The following XKR6 variants were observed in gnomAD, a reference collection of about 807,000 sequenced individuals.
XKR6 encodes the protein XK related 6.
Under a neutral mutation model 56.7 loss-of-function variants are expected in XKR6, and 22 were observed. That is an observed-to-expected ratio of 0.39 (90% CI 0.28 to 0.55). The LOEUF (loss-of-function observed/expected upper bound fraction) is 0.55, where lower values mean the gene tolerates loss of function less well. Among genes scored for constraint, XKR6 ranks in the 20% least tolerant of loss-of-function variants. XKR6 has a pLI of 0.66. For missense variants in XKR6, 852 were observed against 889.0 expected (o/e 0.96, Z 0.53); for synonymous variants, 524 against 387.8 (o/e 1.35, Z -4.13).
intron 1 of XKR6, among the ~76,000 whole-genome samples, chr8:10,956,883 C>T (rs1454199244): frequency 6.6e-6 from 1 of 152,202 alleles, no homozygotes; most frequent in African/African-American, 2.4e-5. Flanking sequence ...AAGGTGAGAG[C>T]TTCCTTAAAA....
intron 1 of XKR6, among the ~76,000 whole-genome samples, chr8:11,079,361 A>G (rs771219581): frequency 1.3e-5 from 2 of 152,260 alleles, no homozygotes; most frequent in Non-Finnish European, 2.9e-5. Context: ...TTTTAAAAAT[A>G]AAGAAGCAGA....
At position 10,976,747 on chromosome 8, in the gene XKR6, T is replaced by A. The variant is rs535158502; in HGVS notation, c.765-51917A>T. ...GTGGCTTCCATATCACTAGGCTACC[T>A]CGCCTGTCTCTCTCTCTCTCTCTCT... On this transcript the variant is annotated intron_variant, in intron 1 of 2. Transcript: ENST00000416569. Among the ~76,000 whole-genome samples, 404 of 130,520 alleles carry A rather than the reference T, an allele frequency of 3.1e-3. 4 individuals are homozygous for A. Among genetic ancestry groups the A allele is most frequent in the African/African-American group, 0.01 (365 of 35,478 alleles). The allele number at this position is 130,520 out of a possible 152,430, so 85.6% of individuals were successfully genotyped here.
intron 2 of XKR6, among the ~76,000 whole-genome samples, chr8:10,916,001 T>C (rs4841457): frequency 6.6e-6 from 1 of 152,096 alleles, no homozygotes; most frequent in South Asian, 2.1e-4. Context: ...AGTGGAGCTC[T>C]TGTGCTGGCA....
intron 1 of XKR6, among the ~76,000 whole-genome samples, chr8:11,075,099 C>G (rs1800237198): frequency 6.6e-6 from 1 of 152,126 alleles, no homozygotes; most frequent in African/African-American, 2.4e-5. Context: ...AGGATGCTGC[C>G]CCCGCCCTGC....
At chr8:11,104,098 C>G (rs1798585958) in intron 1 of XKR6, among the ~76,000 whole-genome samples, 1 of 152,188 alleles carries the variant, frequency 6.6e-6, no homozygotes, top group African/African-American at 2.4e-5. Context: ...CTAATCATAG[C>G]CCAGGGTTTA....
At chr8:11,095,911 G>C (rs1798251583) in intron 1 of XKR6, among the ~76,000 whole-genome samples, 1 of 152,160 alleles carries the variant, frequency 6.6e-6, no homozygotes, top group Non-Finnish European at 1.5e-5. Flanking sequence ...TTAAGTCTAT[G>C]ATTAAAACTA....
intron 2 of XKR6, among the ~76,000 whole-genome samples, chr8:10,899,604 T>A (rs573544283): frequency 6.6e-6 from 1 of 152,308 alleles, no homozygotes; most frequent in South Asian, 2.1e-4. Context: ...CTGTTGCTTT[T>A]TCCAACCGAC....
At chr8:11,110,209 G>A (rs1422875093) in intron 1 of XKR6, among the ~76,000 whole-genome samples, 2 of 152,152 alleles carry the variant, frequency 1.3e-5, no homozygotes, top group Admixed American at 1.3e-4. Context: ...CTGACCTCAA[G>A]TGCTCAGCCC....
chr8:11,013,789 C>T (rs1798552634), intron 1 of XKR6, among the ~76,000 whole-genome samples: 1 of 152,230 alleles, frequency 6.6e-6, no homozygotes, highest in Non-Finnish European at 1.5e-5. Flanking sequence ...TCAAAACCTA[C>T]TTCAGCAGGG....
rs192518912 is a variant in XKR6, at chr8:10,929,540, T to C, written c.765-4710A>G. Among the ~76,000 whole-genome samples, 67 of 152,340 alleles carry C rather than the reference T, an allele frequency of 4.4e-4. 1 individual carries two copies. Among genetic ancestry groups the C allele is most frequent in the African/African-American group, 1.5e-3 (63 of 41,582 alleles). ...CCTTACTTCTGAACTCAGTCCAACT[T>C]GCCTGACAGTGGGGAAGAAAGGAGT... On this transcript the variant is annotated intron_variant, in intron 1 of 2. Coordinates refer to ENST00000416569, the MANE Select transcript of XKR6 (RefSeq NM_173683.4).
At chr8:11,140,129 T>TA (rs964503316) in intron 1 of XKR6, among the ~76,000 whole-genome samples, 51 of 140,660 alleles carry the variant, frequency 3.6e-4, no homozygotes, top group East Asian at 8.2e-4. Context: ...ATTTTTTAAT[T>TA]AAAAAAAAAA....
At chr8:11,091,138 A>G (rs1461732934) in intron 1 of XKR6, among the ~76,000 whole-genome samples, 1 of 152,206 alleles carries the variant, frequency 6.6e-6, no homozygotes, top group Non-Finnish European at 1.5e-5. Flanking sequence ...CTAGAGAAAA[A>G]GCAAGACAAA....
chr8:10,931,038 C>A (rs1414058255), intron 1 of XKR6, among the ~76,000 whole-genome samples: 6 of 152,160 alleles, frequency 3.9e-5, no homozygotes, highest in Non-Finnish European at 8.8e-5. Context: ...AAATCCTAAG[C>A]AATCCTAAGC....
At chr8:10,926,626 C>A (rs1225497253) in intron 1 of XKR6, among the ~76,000 whole-genome samples, 4 of 152,244 alleles carry the variant, frequency 2.6e-5, no homozygotes, top group Admixed American at 2.6e-4. Flanking sequence ...CCAGGTCCTT[C>A]CAGGTATACA....
Position 11,178,574 on chromosome 8 carries a change from GTA to G in XKR6, c.764+22000_764+22001del, listed in dbSNP as rs376780790. 5.7e-4 allele frequency among the ~76,000 whole-genome samples: 59 copies of G among 102,794 alleles called. 1 individual carries two copies. Among genetic ancestry groups the G allele is most frequent in the South Asian group, 3.9e-3 (12 of 3,040 alleles). 67.4% of individuals were successfully genotyped at this position (102,794 alleles called of 152,430 possible). On this transcript the variant is annotated intron_variant, in intron 1 of 2. Transcript: ENST00000416569. ...TATATATATATATATATATATATAT[GTA>G]TATATATATGTACTACACACACACA... is the stretch of plus-strand genomic sequence containing the variant.
At chr8:11,113,151 A>G (rs1340990924) in intron 1 of XKR6, among the ~76,000 whole-genome samples, 1 of 152,238 alleles carries the variant, frequency 6.6e-6, no homozygotes, top group African/African-American at 2.4e-5. Flanking sequence ...AATCTGTGAT[A>G]CTATATTTGT....
intron 2 of XKR6, among the ~76,000 whole-genome samples, chr8:10,911,049 G>C (rs906698420): frequency 2.0e-5 from 3 of 152,168 alleles, no homozygotes; most frequent in Non-Finnish European, 4.4e-5. Context: ...GCTCTGGAAA[G>C]GACACAGGTT....
chr8:10,998,614 G>A (rs1798168838), intron 1 of XKR6, among the ~76,000 whole-genome samples: 1 of 152,228 alleles, frequency 6.6e-6, no homozygotes, highest in African/African-American at 2.4e-5. Flanking sequence ...CTCCAGCAGA[G>A]CAGGCTGCAA....
intron 1 of XKR6, among the ~76,000 whole-genome samples, chr8:11,023,316 C>T (rs2129149226): frequency 6.6e-6 from 1 of 152,320 alleles, no homozygotes; most frequent in Non-Finnish European, 1.5e-5. Flanking sequence ...CCTCACAGGC[C>T]CCCGAAGTCA....
Sources: gnomAD v4.1 joint callset for allele counts (sites outside exome capture counted in the v4.1 genomes callset) on GRCh38, gnomAD v4.1.1 for gene constraint, MANE v1.5 for transcripts, NCBI Gene and HGNC (gene_info 2026-07-23, HGNC 2026-07-21) for gene names.